Variants in CACNA1G observed in about 807,000 individuals in gnomAD.
The protein encoded by CACNA1G is voltage-dependent T-type calcium channel subunit alpha-1G.
In CACNA1G, 67 loss-of-function variants were observed where a neutral mutation model predicts 219.4. The ratio of observed to expected loss-of-function variants is 0.31; its 90% CI spans 0.25 to 0.37. The LOEUF (loss-of-function observed/expected upper bound fraction) is 0.37. Among genes scored for constraint, CACNA1G ranks in the 10% least tolerant of loss-of-function variants. The probability of loss-of-function intolerance (pLI) is 1.00; values close to 1 mark genes in which losing one functional copy is unlikely to be tolerated. For synonymous variants in CACNA1G, 1,296 were observed against 1,345.3 expected, an observed-to-expected ratio of 0.96 and a Z score of 0.80; for missense variants, 2,380 against 3,231.4, an observed-to-expected ratio of 0.74 and a Z score of 6.39.
intron 25 of CACNA1G, among the ~76,000 whole-genome samples, chr17:50,609,507 T>A (rs1018352942): frequency 6.6e-6 from 1 of 150,814 alleles, no homozygotes; most frequent in Non-Finnish European, 1.5e-5. Flanking sequence ...GTCAGGCAGA[T>A]GGAATTCTTT....
intron 26 of CACNA1G, among the ~76,000 whole-genome samples, chr17:50,610,933 G>T (rs1017254388): frequency 6.6e-6 from 1 of 152,120 alleles, no homozygotes; most frequent in African/African-American, 2.4e-5. Flanking sequence ...CAAAGTATAG[G>T]GTTTCTTTCA....
Position 50,621,653 on chromosome 17 carries a change from T to C in CACNA1G, c.5926-7T>C, listed in dbSNP as rs750987554. ...TCTCATGCCTGATCATCTCTCTCCC[T>C]GTCTAGATCCCTCTAGCTGAGATGG... On this transcript the variant is annotated splice_polypyrimidine_tract_variant and splice_region_variant and intron_variant, in intron 34 of 37. Transcript: ENST00000359106. The surrounding 1 kb of genome is among the most constrained non-coding windows in gnomAD (Gnocchi z 4.6). 3.7e-6 allele frequency: 6 copies of C among 1,613,652 alleles called. No homozygotes were observed. Among genetic ancestry groups the C allele is most frequent in the Non-Finnish European group, 5.1e-6 (6 of 1,179,662 alleles).
At chr17:50,611,252 T>TAAAAAC (rs2146079971) in intron 26 of CACNA1G, among the ~76,000 whole-genome samples, 1 of 129,688 alleles carries the variant, frequency 7.7e-6, no homozygotes, top group Non-Finnish European at 1.6e-5. Context: ...AGACTCCATT[T>TAAAAAC]AAAAAAAAAA....
chr17:50,561,159 G>A lies in CACNA1G; in HGVS notation c.-301G>A, dbSNP rs1362891092. The A allele has an allele frequency of 1.1e-5, 6 of 537,700 alleles. No homozygotes were observed. Among genetic ancestry groups the A allele is most frequent in the Admixed American group, 7.8e-5 (3 of 38,368 alleles). The allele number at this position is 537,700 out of a possible 1,614,324, so 33.3% of individuals were successfully genotyped here. A position where few individuals can be genotyped will look rare whatever the true frequency, so the allele number is the denominator to read the frequency against. On this transcript the variant is annotated 5_prime_UTR_variant, in exon 1 of 38. Transcript: ENST00000359106. ...AATCCGGCAACCGGAGCCTGGGCGC[G>A]AAGCGAAGAAGCCGGAACAAAGTGA...
rs78739013 is a variant in CACNA1G, at chr17:50,613,200, C to G, written c.4760-2161C>G. Among the ~76,000 whole-genome samples the G allele has an allele frequency of 8.5e-3, 1,294 of 152,326 alleles. 5 individuals carry two copies. Among genetic ancestry groups the G allele is most frequent in the Non-Finnish European group, 0.015 (1,022 of 68,024 alleles). ...GCTAGCTGAATGAGTCACTTTTTGC[C>G]TGGCTTCATTCTCTCCCTCTGAAAA... On this transcript the variant is annotated intron_variant, in intron 26 of 37. Coordinates refer to ENST00000359106, the MANE Select transcript of CACNA1G (RefSeq NM_018896.5).
At chr17:50,565,123 ACG>A (rs949882031) in intron 1 of CACNA1G, among the ~76,000 whole-genome samples, 1 of 130,294 alleles carries the variant, frequency 7.7e-6, no homozygotes, top group Non-Finnish European at 1.6e-5. Flanking sequence ...AGACATGCGC[ACG>A]CGCGCGCACA....
In CACNA1G at chr17:50,617,559, C is replaced by T. The variant is rs2050845446; in HGVS notation, c.5143C>T (p.Arg1715Cys). ...CATCATCCGCATCATGAGGGTGCTG[C>T]GCATTGCCCGAGGTTGGTGCCCAGC... ...PTIIRIMRVL[R>C]IARVLKLLKM... The change falls in exon 29 of 38, where the codon CGC becomes TGC. Residue 1715 changes from arginine (R) to cysteine (C), a missense_variant. This residue lies in a region of CACNA1G where 123 missense variants were observed against 258.4 expected (regional missense o/e 0.48). Coordinates refer to ENST00000359106, the MANE Select transcript of CACNA1G (RefSeq NM_018896.5). The surrounding 1 kb of genome is among the most constrained non-coding windows in gnomAD (Gnocchi z 5.8). 4 of 1,613,974 alleles carry T rather than the reference C, an allele frequency of 2.5e-6. No homozygotes were observed. The highest frequency in any genetic ancestry group is 1.1e-5 in the South Asian group (1 of 91,060).
In CACNA1G at chr17:50,617,775, C is replaced by T; in HGVS notation, c.5156-84C>T. Reference sequence around the variant, plus strand: ...CCCGGAGATGGCCATCCCAGCAGCCCCAGCCCAGCCCTGGTCCTGACTCTG... The same window carrying T: ...CCCGGAGATGGCCATCCCAGCAGCCTCAGCCCAGCCCTGGTCCTGACTCTG... On this transcript the variant is annotated intron_variant, in intron 29 of 37. Coordinates refer to ENST00000359106, the MANE Select transcript of CACNA1G (RefSeq NM_018896.5). The surrounding 1 kb of genome is among the most constrained non-coding windows in gnomAD (Gnocchi z 5.8). 1.3e-6 allele frequency: 2 copies of T among 1,523,846 alleles called. No homozygotes were observed. The highest frequency in any genetic ancestry group is 1.8e-6 in the Non-Finnish European group (2 of 1,111,546). The allele number at this position is 1,523,846 out of a possible 1,614,324, so 94.4% of individuals were successfully genotyped here.
At chr17:50,565,906 G>A (rs2144495348) in intron 1 of CACNA1G, among the ~76,000 whole-genome samples, 1 of 152,252 alleles carries the variant, frequency 6.6e-6, no homozygotes, top group Middle Eastern at 3.4e-3. Context: ...GTGGGTTGTG[G>A]GGAGAAGAAA....
At position 50,573,099 on chromosome 17, in the gene CACNA1G, A is replaced by T. The variant is rs944581365; in HGVS notation, c.1126A>T (p.Ile376Phe). The stretch of plus-strand genomic sequence containing the variant: ...TTCCTTCTACAATTTCATCTACTTC[A>T]TCCTCCTCATCATCGTGAGTGACTC... ...AHSFYNFIYF[I>F]LLIIVGSFFM... The change falls in exon 7 of 38, where the codon ATC becomes TTC. Residue 376 changes from isoleucine to phenylalanine, a missense_variant. Ile to Phe is a conservative substitution (Grantham distance 21). Transcript: ENST00000359106. 6.4e-7 allele frequency: 1 copy of T among 1,568,918 alleles called. No homozygotes were observed. Among genetic ancestry groups the T allele is most frequent in the Non-Finnish European group, 8.7e-7 (1 of 1,155,626 alleles).
rs192920534 is a variant in CACNA1G at position 50,563,989 on chromosome 17, G to A, written c.242+2288G>A. On this transcript the variant is annotated intron_variant, in intron 1 of 37. Coordinates refer to ENST00000359106, the MANE Select transcript of CACNA1G (RefSeq NM_018896.5). ...GAGGGTCCCTGTACGCCTCTGAGCC[G>A]GAGGGACATAAGGACACTCCCCTCC... Among the ~76,000 whole-genome samples the A allele has an allele frequency of 2.3e-3, 346 of 152,168 alleles. 3 individuals are homozygous for A. The highest frequency in any genetic ancestry group is 4.2e-3 in the Non-Finnish European group (288 of 67,996).
chr17:50,568,900 C>T lies in CACNA1G; in HGVS notation c.273C>T (p.Ile91=), dbSNP rs1440729254. The T allele has an allele frequency of 1.2e-6, 2 of 1,613,576 alleles. No individual in the cohort carries two copies. Among genetic ancestry groups the T allele is most frequent in the African/African-American group, 1.3e-5 (1 of 74,900 alleles). Residue 91 remains isoleucine (I), a synonymous_variant, in exon 2 of 38, where the codon ATC becomes ATT. Transcript: ENST00000359106. ...TTGAGCGCATCAGCATGTTGGTCAT[C>T]CTTCTCAACTGCGTGACCCTGGGCA... The part of the protein sequence containing the change: ...PWFERISMLV[I]LLNCVTLGMF...
intron 1 of CACNA1G, among the ~76,000 whole-genome samples, chr17:50,564,534 A>C (rs1457016051): frequency 6.7e-6 from 1 of 149,018 alleles, no homozygotes; most frequent in Non-Finnish European, 1.5e-5. Context: ...GGAGGCCTGA[A>C]CGGCAGGAGC....
At chr17:50,572,249 C>T (rs1448302516) in intron 5 of CACNA1G, among the ~76,000 whole-genome samples, 1 of 152,198 alleles carries the variant, frequency 6.6e-6, no homozygotes, top group East Asian at 1.9e-4. Flanking sequence ...GATTTCATTG[C>T]TCTGGGGCTC....
At chr17:50,589,670 G>C (rs2240222) in intron 9 of CACNA1G, among the ~76,000 whole-genome samples, 65,846 of 151,944 alleles carry the variant, frequency 0.43, 15,148 homozygotes, top group East Asian at 0.89. Flanking sequence ...CTCGGGTAGG[G>C]AGCATGAAAG....
rs1274713091 is a variant in CACNA1G, at chr17:50,624,538, A to C, written c.6399+9A>C. On this transcript the variant is annotated intron_variant, in intron 37 of 37. Transcript: ENST00000359106. Reference sequence around the variant, plus strand: ...GGCCACTCAGGCGCCAGGTGAGCAGATGTGGAAAGGCAGGCACAGGCCTGG... The same window carrying C: ...GGCCACTCAGGCGCCAGGTGAGCAGCTGTGGAAAGGCAGGCACAGGCCTGG... 6.3e-7 allele frequency: 1 copy of C among 1,575,290 alleles called. No homozygotes were observed. The highest frequency in any genetic ancestry group is 2.3e-5 in the East Asian group (1 of 42,712).
intron 4 of CACNA1G, among the ~76,000 whole-genome samples, chr17:50,570,644 G>C (rs1027771315): frequency 6.6e-6 from 1 of 151,412 alleles, no homozygotes; most frequent in Admixed American, 6.6e-5. Flanking sequence ...TCTGGGGCTC[G>C]GGGTGTGTTG....
At chr17:50,615,934 G>A (rs529366280) in intron 27 of CACNA1G, among the ~76,000 whole-genome samples, 2 of 152,292 alleles carry the variant, frequency 1.3e-5, no homozygotes, top group South Asian at 2.1e-4. Flanking sequence ...TCCAGCCGTC[G>A]GTTTCCCTGT....
In CACNA1G at chr17:50,585,651, G is replaced by A. The variant is rs140537336; in HGVS notation, c.2302-4820G>A. The stretch of plus-strand genomic sequence containing the variant: ...GCCCAGTGGGCAGGAGGGCACAGGA[G>A]GGGGGATCCAAACTGGAGAGCTTCC... On this transcript the variant is annotated intron_variant, in intron 9 of 37. Transcript: ENST00000359106. Among the ~76,000 whole-genome samples the A allele has an allele frequency of 1.1e-3, 163 of 152,198 alleles. 1 individual carries two copies. The East Asian group carries it at 0.03, about 28-fold the overall frequency.
Sources: allele counts gnomAD v4.1 joint callset (sites outside exome capture counted in the v4.1 genomes callset), GRCh38; gene constraint gnomAD v4.1.1; regional missense constraint gnomAD v4.1.1; non-coding constraint Gnocchi (gnomAD v3.1); transcripts MANE v1.5; gene names NCBI Gene and HGNC (gene_info 2026-07-23, HGNC 2026-07-21).